Variants in ZNF516 observed in about 807,000 individuals in gnomAD.
ZNF516 encodes zinc finger protein 516.
Under a neutral mutation model 79.7 loss-of-function variants are expected in ZNF516, and 19 were observed. That is an observed-to-expected ratio of 0.24 (90% CI 0.17 to 0.35). ZNF516 has a LOEUF of 0.35. Ranked by LOEUF, ZNF516 falls within the 10% of genes least tolerant of loss-of-function variation. ZNF516 has a pLI of 1.00. For missense variants in ZNF516, 1,678 were observed against 1,679.5 expected, an observed-to-expected ratio of 1.00 and a Z score of 0.02; for synonymous variants, 877 against 739.5, an observed-to-expected ratio of 1.19 and a Z score of -3.02.
chr18:76,440,416 G>A (rs968046754), intron 3 of ZNF516, among the ~76,000 whole-genome samples: 1 of 152,144 alleles, frequency 6.6e-6, no homozygotes, highest in Non-Finnish European at 1.5e-5. Flanking sequence ...TTGCAGAGAA[G>A]GGAAAAACAT....
intron 3 of ZNF516, chr18:76,389,403 A>G (rs2075038665): frequency 6.6e-6 from 1 of 152,220 alleles, no homozygotes; most frequent in South Asian, 2.1e-4. Context: ...CCAAGGGAGA[A>G]GCCTTCAGCT....
chr18:76,395,800 C>A (rs547031726), intron 3 of ZNF516, among the ~76,000 whole-genome samples: 2 of 152,258 alleles, frequency 1.3e-5, no homozygotes, highest in East Asian at 1.9e-4. Flanking sequence ...AATGACGTCA[C>A]CACCCTGGTC....
In ZNF516 at chr18:76,450,631, T is replaced by C. The variant is rs1912350101; in HGVS notation, c.-157-7420A>G. Among the ~76,000 whole-genome samples the C allele has an allele frequency of 2.0e-5, 3 of 152,124 alleles. No homozygotes were observed. In the South Asian group the frequency reaches 6.2e-4, roughly 32 times the overall value. On this transcript the variant is annotated intron_variant, in intron 2 of 6. Transcript: ENST00000443185. The stretch of plus-strand genomic sequence containing the variant: ...CTCCCGAACATCAGCCAAAATTCAG[T>C]GTATTCTGGCATTCTGAGTGTATTC...
intron 3 of ZNF516, among the ~76,000 whole-genome samples, chr18:76,435,961 G>T (rs1331986725): frequency 1.3e-5 from 2 of 152,258 alleles, no homozygotes; most frequent in Non-Finnish European, 2.9e-5. Flanking sequence ...GGGCCACATG[G>T]CGGACAGTAG....
chr18:76,480,427 C>G (rs1455435482), intron 1 of ZNF516, among the ~76,000 whole-genome samples: 2 of 151,966 alleles, frequency 1.3e-5, no homozygotes, highest in African/African-American at 4.8e-5. Context: ...CTTCCCACCA[C>G]CTGTTTTTGT....
intron 1 of ZNF516, among the ~76,000 whole-genome samples, chr18:76,469,266 A>G (rs1160306343): frequency 6.6e-6 from 1 of 152,168 alleles, no homozygotes; most frequent in African/African-American, 2.4e-5. Context: ...TACACCCCAA[A>G]CATATGATTA....
chr18:76,390,979 C>G (rs1228747287), intron 3 of ZNF516, among the ~76,000 whole-genome samples: 1 of 152,144 alleles, frequency 6.6e-6, no homozygotes, highest in Non-Finnish European at 1.5e-5. Flanking sequence ...TATCTCAGCT[C>G]ACACCCCACA....
At chr18:76,373,390 C>T (rs2074739118) in intron 4 of ZNF516, among the ~76,000 whole-genome samples, 1 of 152,054 alleles carries the variant, frequency 6.6e-6, no homozygotes, top group Non-Finnish European at 1.5e-5. Context: ...TTTTGTTCCC[C>T]CATTCATTTG....
chr18:76,460,212 C>A (rs1442242234), intron 2 of ZNF516, among the ~76,000 whole-genome samples: 4 of 152,208 alleles, frequency 2.6e-5, no homozygotes, highest in African/African-American at 9.7e-5. Flanking sequence ...ACAGGAGGCA[C>A]CTCTGCCTGC....
At chr18:76,423,414 T>G (rs192888855) in intron 3 of ZNF516, among the ~76,000 whole-genome samples, 2 of 152,264 alleles carry the variant, frequency 1.3e-5, no homozygotes, top group East Asian at 3.9e-4. Flanking sequence ...ATAAGGCTCA[T>G]CCCTGAAACA....
intron 1 of ZNF516, chr18:76,492,969 T>C (rs776910261): frequency 2.6e-5 from 26 of 985,462 alleles, no homozygotes; most frequent in Middle Eastern, 5.2e-4. Flanking sequence ...CATGGGCTCA[T>C]GCACGCGCAC....
intron 3 of ZNF516, among the ~76,000 whole-genome samples, chr18:76,434,529 C>T (rs1403376755): frequency 2.6e-5 from 4 of 152,204 alleles, no homozygotes; most frequent in African/African-American, 9.7e-5. Context: ...CAGTGAACAT[C>T]ACTGAATGTC....
At chr18:76,389,686 G>C (rs1445834410) in intron 3 of ZNF516, among the ~76,000 whole-genome samples, 1 of 152,136 alleles carries the variant, frequency 6.6e-6, no homozygotes, top group Non-Finnish European at 1.5e-5. Context: ...GATTTTTGCA[G>C]AGTTATTTTT....
At chr18:76,368,243 T>C (rs1197773715) in intron 6 of ZNF516, among the ~76,000 whole-genome samples, 1 of 152,196 alleles carries the variant, frequency 6.6e-6, no homozygotes, top group Admixed American at 6.5e-5. Context: ...ATTACTGATG[T>C]GTTTTGCAAT....
rs191755321 is a variant in ZNF516 at position 76,405,929 on chromosome 18, G to A, written c.1811-25626C>T. Among the ~76,000 whole-genome samples, 87 of 152,210 alleles carry A rather than the reference G, an allele frequency of 5.7e-4. 2 individuals carry two copies. The highest frequency in any genetic ancestry group is 5.6e-4 in the Non-Finnish European group (38 of 68,008). ...CCGTCAGGGACCCACCTTGCATGGCGGCTTCTGCACGGACTGATCAGATCC... is the reference window on the plus strand; with the variant it reads ...CCGTCAGGGACCCACCTTGCATGGCAGCTTCTGCACGGACTGATCAGATCC... On this transcript the variant is annotated intron_variant, in intron 3 of 6. Coordinates refer to ENST00000443185, the MANE Select transcript of ZNF516 (RefSeq NM_014643.4).
chr18:76,443,429 CAT>C (rs1169511928), intron 2 of ZNF516, among the ~76,000 whole-genome samples: 4 of 152,158 alleles, frequency 2.6e-5, no homozygotes, highest in Non-Finnish European at 5.9e-5. Flanking sequence ...AAATGATTAA[CAT>C]AAATGTTAAT....
intron 3 of ZNF516, among the ~76,000 whole-genome samples, chr18:76,425,878 C>T (rs543187587): frequency 8.8e-4 from 134 of 152,314 alleles, no homozygotes; most frequent in Non-Finnish European, 1.7e-3. Context: ...AATACCCAGG[C>T]CCAACCAAGC....
chr18:76,432,369 G>A (rs942497218), intron 3 of ZNF516, among the ~76,000 whole-genome samples: 14 of 152,282 alleles, frequency 9.2e-5, no homozygotes, highest in Middle Eastern at 3.4e-3. Flanking sequence ...TGCCAACACC[G>A]TGCAAAGCAC....
At chr18:76,441,183 G>A in intron 3 of ZNF516, 62 bp downstream of exon 3, 4 of 1,545,940 alleles carry the variant, frequency 2.6e-6, no homozygotes, top group Non-Finnish European at 3.5e-6. Flanking sequence ...CGTTTACCTG[G>A]AAGCAGGAAC....
Sources: gnomAD v4.1 joint callset for allele counts (sites outside exome capture counted in the v4.1 genomes callset) on GRCh38, gnomAD v4.1.1 for gene constraint, MANE v1.5 for transcripts, NCBI Gene and HGNC (gene_info 2026-07-23, HGNC 2026-07-21) for gene names.